The following MOXD1 variants were observed in gnomAD, a reference collection of about 807,000 sequenced individuals.
The protein encoded by MOXD1 is monooxygenase DBH like 1, also known as DBH-like monooxygenase protein 1.
In MOXD1, 62 loss-of-function variants were observed where a neutral mutation model predicts 66.6. The observed-to-expected ratio is 0.93, with a 90% CI of 0.76 to 1.15. MOXD1 has a LOEUF of 1.15. Among genes scored for constraint, MOXD1 ranks in the 50% most tolerant of loss-of-function variants. The pLI is 0.00. For missense variants in MOXD1, 847 were observed against 754.6 expected (o/e 1.12, Z -1.44); for synonymous variants, 303 against 281.9 (o/e 1.07, Z -0.75).
chr6:132,331,714 G>C (rs938918612), intron 4 of MOXD1, among the ~76,000 whole-genome samples: 2 of 152,106 alleles, frequency 1.3e-5, no homozygotes, highest in African/African-American at 2.4e-5. Context: ...TCAGAGATTA[G>C]ACAACAAGCC....
intron 1 of MOXD1, among the ~76,000 whole-genome samples, chr6:132,400,652 T>G (rs900196509): frequency 3.9e-5 from 6 of 152,110 alleles, no homozygotes; most frequent in African/African-American, 1.4e-4. Context: ...GGCCCTTCAT[T>G]CTTCTGGAGA....
intron 1 of MOXD1, among the ~76,000 whole-genome samples, chr6:132,399,303 T>C (rs1776968124): frequency 6.6e-6 from 1 of 152,192 alleles, no homozygotes; most frequent in Non-Finnish European, 1.5e-5. Context: ...CATGTAAAAA[T>C]GATTTTATTT....
intron 2 of MOXD1, 135 bp downstream of exon 2, chr6:132,374,496 A>C: frequency 9.3e-6 from 9 of 967,172 alleles, no homozygotes; most frequent in African/African-American, 3.6e-5. Context: ...TAAAAAAAAA[A>C]CTAAAAAAAA....
At chr6:132,314,214 C>T (rs1055514802) in intron 10 of MOXD1, among the ~76,000 whole-genome samples, 2 of 152,312 alleles carry the variant, frequency 1.3e-5, no homozygotes, top group Non-Finnish European at 2.9e-5. Context: ...CTCTATCCCT[C>T]ACTGCCTCCA....
intron 3 of MOXD1, 24 bp downstream of exon 3, chr6:132,372,806 A>G (rs771870442): frequency 6.2e-7 from 1 of 1,612,162 alleles, no homozygotes; most frequent in African/African-American, 1.3e-5. Flanking sequence ...CATCCCTACA[A>G]TCATAAAACC....
intron 9 of MOXD1, among the ~76,000 whole-genome samples, chr6:132,317,664 C>G (rs537343430): frequency 6.6e-6 from 1 of 152,148 alleles, no homozygotes; most frequent in African/African-American, 2.4e-5. Flanking sequence ...AAAATACCCA[C>G]TATAATAATA....
At chr6:132,385,840 C>T (rs1776619487) in intron 1 of MOXD1, among the ~76,000 whole-genome samples, 1 of 151,990 alleles carries the variant, frequency 6.6e-6, no homozygotes, top group Non-Finnish European at 1.5e-5. Flanking sequence ...AGGTGGCTCA[C>T]GCCTGTAAAT....
intron 10 of MOXD1, among the ~76,000 whole-genome samples, chr6:132,302,350 T>A (rs1237420817): frequency 1.3e-5 from 2 of 152,032 alleles, no homozygotes; most frequent in Non-Finnish European, 2.9e-5. Context: ...CTATGTCTAG[T>A]CAAAAAATTA....
intron 4 of MOXD1, among the ~76,000 whole-genome samples, chr6:132,345,155 A>G (rs1775646089): frequency 6.6e-6 from 1 of 152,172 alleles, no homozygotes; most frequent in Non-Finnish European, 1.5e-5. Flanking sequence ...GTCATTTCCT[A>G]CCCCACACTA....
chr6:132,321,481 T>C (rs1161654113), intron 8 of MOXD1, among the ~76,000 whole-genome samples: 3 of 152,330 alleles, frequency 2.0e-5, no homozygotes, highest in Admixed American at 2.0e-4. Context: ...AAGTTTATTG[T>C]TCTAGTGTTT....
At chr6:132,299,373 T>C (rs1428152080) in intron 10 of MOXD1, among the ~76,000 whole-genome samples, 1 of 152,104 alleles carries the variant, frequency 6.6e-6, no homozygotes, top group Non-Finnish European at 1.5e-5. Context: ...AAACCTCAGT[T>C]TCACACAATA....
chr6:132,318,429 A>T (rs774738033), intron 9 of MOXD1, among the ~76,000 whole-genome samples: 42 of 152,088 alleles, frequency 2.8e-4, no homozygotes, highest in Non-Finnish European at 5.9e-4. Context: ...GTTTTAAACA[A>T]AATTGAGCAT....
intron 10 of MOXD1, among the ~76,000 whole-genome samples, chr6:132,310,437 C>A (rs1201144998): frequency 1.3e-5 from 2 of 152,144 alleles, no homozygotes; most frequent in Non-Finnish European, 2.9e-5. Flanking sequence ...GACAGTATGG[C>A]AATTCTTCAA....
intron 1 of MOXD1, among the ~76,000 whole-genome samples, chr6:132,377,080 C>T (rs759647437): frequency 1.1e-4 from 17 of 152,044 alleles, no homozygotes; most frequent in African/African-American, 3.9e-4. Flanking sequence ...AGGATGGGTA[C>T]GCTTATTTTT....
chr6:132,349,263 G>C (rs1424502310), intron 4 of MOXD1, among the ~76,000 whole-genome samples: 2 of 150,086 alleles, frequency 1.3e-5, no homozygotes, highest in African/African-American at 4.9e-5. Context: ...ACTTGACTTA[G>C]AATAATAGTC....
chr6:132,348,630 A>G (rs1036063702), intron 4 of MOXD1, among the ~76,000 whole-genome samples: 10 of 152,208 alleles, frequency 6.6e-5, no homozygotes, highest in African/African-American at 1.7e-4. Context: ...GAAAACATAT[A>G]AAAAACACGG....
rs750766213 is a variant in MOXD1, at chr6:132,322,746, T to C, written c.1238A>G (p.Tyr413Cys). The change falls in exon 8 of 12, where the codon TAT (tyrosine) becomes TGT (cysteine). Residue 413 changes from tyrosine (Y) to cysteine (C), a missense_variant. Tyr to Cys is a radical substitution (Grantham distance 194, BLOSUM62 -2). Coordinates refer to ENST00000367963, the MANE Select transcript of MOXD1 (RefSeq NM_015529.4). ...RKGKEMKLLA[Y>C]DDDFDFNFQE... ...GAAATTGAAGTCAAAATCATCATCATAGGCAAGTAATTTCATTTCCTTCCC... is the reference window on the plus strand; with the variant it reads ...GAAATTGAAGTCAAAATCATCATCACAGGCAAGTAATTTCATTTCCTTCCC... 1.9e-6 allele frequency: 3 copies of C among 1,614,036 alleles called. No individual in the cohort carries two copies. The highest frequency in any genetic ancestry group is 1.1e-5 in the South Asian group (1 of 91,078).
At chr6:132,328,698 G>A (rs1775247253) in intron 4 of MOXD1, 104 bp from the exon 5 acceptor site, 5 of 1,086,322 alleles carry the variant, frequency 4.6e-6, no homozygotes, top group Middle Eastern at 3.1e-4. Flanking sequence ...TTTCTCAAAG[G>A]GATATTCTTC....
At chr6:132,373,112 T>C in intron 2 of MOXD1, 115 bp from the exon 3 acceptor site, 1 of 1,052,016 alleles carries the variant, frequency 9.5e-7, no homozygotes, top group Non-Finnish European at 1.3e-6. Context: ...AAGACAATAA[T>C]GACATTTGGA....
Sources: allele counts gnomAD v4.1 joint callset (sites outside exome capture counted in the v4.1 genomes callset), GRCh38; gene constraint gnomAD v4.1.1; transcripts MANE v1.5; gene names NCBI Gene and HGNC (gene_info 2026-07-23, HGNC 2026-07-21).